The following ZFP82 variants were observed in gnomAD, a reference collection of about 807,000 sequenced individuals.
ZFP82 encodes the protein zinc finger protein 82 homolog.
In ZFP82, 30 loss-of-function variants were observed where a neutral mutation model predicts 54.0. The ratio of observed to expected loss-of-function variants is 0.56; its 90% confidence interval spans 0.42 to 0.75. The LOEUF (loss-of-function observed/expected upper bound fraction) is 0.75. Among genes scored for constraint, ZFP82 ranks in the 30% least tolerant of loss-of-function variants. ZFP82 has a pLI of 0.00. For missense variants in ZFP82, 500 were observed against 636.8 expected, an observed-to-expected ratio of 0.79 and a Z score of 2.31; for synonymous variants, 194 against 209.5, an observed-to-expected ratio of 0.93 and a Z score of 0.64.
chr19:36,413,740 A>G (rs2032618031), intron 1 of ZFP82, among the ~76,000 whole-genome samples: 1 of 152,162 alleles, frequency 6.6e-6, no homozygotes, highest in African/African-American at 2.4e-5. Flanking sequence ...CAGTTTCCTC[A>G]GATATAAACT....
At chr19:36,412,076 CAGAGAG>C (rs373512524) in intron 1 of ZFP82, among the ~76,000 whole-genome samples, 12 of 93,398 alleles carry the variant, frequency 1.3e-4, no homozygotes, top group African/African-American at 4.7e-4. Flanking sequence ...GTGAGAGAAA[CAGAGAG>C]AGAGAGAGAG....
At chr19:36,403,622 G>GA (rs369237432) in intron 4 of ZFP82, among the ~76,000 whole-genome samples, 88,732 of 131,712 alleles carry the variant, frequency 0.67, 31,713 homozygotes, top group South Asian at 0.81. Flanking sequence ...TCCGTCGCAA[G>GA]AAAAAAAAAA....
intron 1 of ZFP82, among the ~76,000 whole-genome samples, chr19:36,410,955 G>A (rs538640274): frequency 6.6e-6 from 1 of 151,714 alleles, no homozygotes; most frequent in East Asian, 2.0e-4. Context: ...CACTATGGGA[G>A]GCCAAGGCAG....
chr19:36,416,062 G>A (rs1278036276), intron 1 of ZFP82, among the ~76,000 whole-genome samples: 1 of 152,150 alleles, frequency 6.6e-6, no homozygotes, highest in Non-Finnish European at 1.5e-5. Context: ...AGCTTATTAA[G>A]AGCGATTCAT....
intron 4 of ZFP82, among the ~76,000 whole-genome samples, chr19:36,404,195 G>A (rs2032442913): frequency 6.6e-6 from 1 of 152,110 alleles, no homozygotes; most frequent in African/African-American, 2.4e-5. Flanking sequence ...CGAAGTAAAA[G>A]TCCTAAACCC....
chr19:36,404,207 G>A (rs941798024), intron 4 of ZFP82, among the ~76,000 whole-genome samples: 6 of 152,212 alleles, frequency 3.9e-5, no homozygotes, highest in South Asian at 2.1e-4. Flanking sequence ...CCTAAACCCC[G>A]ACAGACTGAA....
Position 36,414,090 on chromosome 19 carries a change from C to T in ZFP82, c.-78-4223G>A, listed in dbSNP as rs367914498. ...TAATTTTTTGTATTTTTAGTAGAGA[C>T]GGGGTTTCACCATGTTAGCCAACAT... On this transcript the variant is annotated intron_variant, in intron 1 of 4. Transcript: ENST00000392161. 2.4e-4 allele frequency among the ~76,000 whole-genome samples: 36 copies of T among 151,614 alleles called. No homozygotes were observed. In the South Asian group the frequency reaches 6.0e-3, roughly 25 times the overall value.
intron 4 of ZFP82, among the ~76,000 whole-genome samples, chr19:36,397,181 C>G (rs1370295554): frequency 2.0e-5 from 3 of 150,854 alleles, no homozygotes; most frequent in Non-Finnish European, 4.4e-5. Flanking sequence ...CAACCTCTGC[C>G]TCCCGGGTTC....
At chr19:36,417,893 G>T (rs1199629110) in intron 1 of ZFP82, among the ~76,000 whole-genome samples, 2 of 152,224 alleles carry the variant, frequency 1.3e-5, no homozygotes, top group Middle Eastern at 3.4e-3. Flanking sequence ...CGGGAGCGGG[G>T]GCTCGTTCAG....
chr19:36,416,859 G>C (rs2032679964), intron 1 of ZFP82, among the ~76,000 whole-genome samples: 1 of 150,164 alleles, frequency 6.7e-6, no homozygotes. Context: ...GATCACTTGA[G>C]GCCAGGAGTT....
intron 4 of ZFP82, among the ~76,000 whole-genome samples, chr19:36,404,003 A>G (rs2032439690): frequency 1.3e-5 from 2 of 152,216 alleles, no homozygotes; most frequent in African/African-American, 2.4e-5. Context: ...TACTCTGCTT[A>G]CTTTTCTTCA....
intron 4 of ZFP82, among the ~76,000 whole-genome samples, chr19:36,402,468 C>CAAAAAAAAAA (rs377338348): frequency 0.35 from 19,654 of 56,654 alleles, 5,453 homozygotes; most frequent in African/African-American, 0.36. Flanking sequence ...GACTCCATCT[C>CAAAAAAAAAA]AAAAAAAAAA....
At chr19:36,395,238 A>T (rs2145581491) in intron 4 of ZFP82, 1 of 152,288 alleles carries the variant, frequency 6.6e-6, no homozygotes, top group Non-Finnish European at 1.5e-5. Flanking sequence ...AAAGGTATTG[A>T]GGAGTTCTAC....
chr19:36,400,411 T>C (rs904513229), intron 4 of ZFP82, among the ~76,000 whole-genome samples: 1 of 152,162 alleles, frequency 6.6e-6, no homozygotes, highest in Non-Finnish European at 1.5e-5. Flanking sequence ...GATCTGAAAA[T>C]AGTAAAACCC....
chr19:36,399,278 A>C (rs1446743410), intron 4 of ZFP82, among the ~76,000 whole-genome samples: 1 of 152,240 alleles, frequency 6.6e-6, no homozygotes, highest in Non-Finnish European at 1.5e-5. Context: ...CCAAATCACA[A>C]GGAAGAGATT....
chr19:36,408,943 T>C (rs2032531173), intron 2 of ZFP82, among the ~76,000 whole-genome samples: 1 of 152,166 alleles, frequency 6.6e-6, no homozygotes, highest in Non-Finnish European at 1.5e-5. Flanking sequence ...ATTCTGGGAG[T>C]CAACGTGACT....
intron 3 of ZFP82, 84 bp from the exon 4 acceptor site, chr19:36,405,756 T>A (rs2032471367): frequency 1.0e-6 from 1 of 956,496 alleles, no homozygotes; most frequent in Non-Finnish European, 1.5e-6. Flanking sequence ...TTAAAGTATA[T>A]GTCAAAACAG....
intron 1 of ZFP82, among the ~76,000 whole-genome samples, chr19:36,413,343 G>A (rs564822911): frequency 4.6e-5 from 7 of 152,074 alleles, no homozygotes; most frequent in Middle Eastern, 3.2e-3. Flanking sequence ...TCTGGGAGGC[G>A]GAGGTTGCAG....
At chr19:36,412,071 A>G (rs2032590539) in intron 1 of ZFP82, among the ~76,000 whole-genome samples, 1 of 44,170 alleles carries the variant, frequency 2.3e-5, no homozygotes, top group Non-Finnish European at 5.3e-5. Context: ...CAGACGTGAG[A>G]GAAACAGAGA....
Sources: gnomAD v4.1 joint callset for allele counts (sites outside exome capture counted in the v4.1 genomes callset) on GRCh38, gnomAD v4.1.1 for gene constraint, MANE v1.5 for transcripts, NCBI Gene and HGNC (gene_info 2026-07-23, HGNC 2026-07-21) for gene names.